PDZK1: variants seen among roughly 807,000 people sequenced by gnomAD.
PDZK1 encodes Na(+)/H(+) exchange regulatory cofactor NHE-RF3.
Under a neutral mutation model 38.1 loss-of-function variants are expected in PDZK1, and 23 were observed. The observed-to-expected ratio is 0.60, with a 90% CI of 0.43 to 0.85. PDZK1 has a LOEUF of 0.85. Ranked by LOEUF, PDZK1 falls within the 40% of genes least tolerant of loss-of-function variation. The pLI, the probability that PDZK1 is intolerant of heterozygous loss-of-function variation, is 0.00. For missense variants in PDZK1, 297 were observed against 504.3 expected (o/e 0.59, Z 3.94); for synonymous variants, 98 against 186.2 (o/e 0.53, Z 3.86).
At chr1:145,689,727 C>G (rs1655085901) in intron 1 of PDZK1, among the ~76,000 whole-genome samples, 1 of 152,272 alleles carries the variant, frequency 6.6e-6, no homozygotes, top group South Asian at 2.1e-4. Flanking sequence ...AACCACCTAT[C>G]CCTTCCCTCC....
Position 145,681,077 on chromosome 1 carries a change from G to A in PDZK1, c.628C>T (p.Leu210=). The change falls in exon 5 of 9, where the codon CTG becomes TTG. Residue 210 remains leucine (L), a synonymous_variant. Coordinates refer to ENST00000417171, the MANE Select transcript of PDZK1 (RefSeq NM_001201325.2). ...TTGTCAGTTTCTTTGTCCACCAGCA[G>A]GAACATGACACGGCTTCCTGACTTC... ...VKKSGSRVMF[L]LVDKETDKRH... The A allele has an allele frequency of 1.8e-6, 1 of 563,318 alleles. No individual in the cohort carries two copies. The highest frequency in any genetic ancestry group is 2.9e-5 in the East Asian group (1 of 34,832). The allele number at this position is 563,318 out of a possible 1,614,324, so 34.9% of individuals were successfully genotyped here. A position where few individuals can be genotyped will look rare whatever the true frequency, so the allele number is the denominator to read the frequency against.
intron 1 of PDZK1, among the ~76,000 whole-genome samples, chr1:145,688,396 T>C (rs1164374527): frequency 6.6e-6 from 1 of 152,160 alleles, no homozygotes; most frequent in Non-Finnish European, 1.5e-5. Context: ...TGAAGAGCTT[T>C]TCAAGTTCAA....
At chr1:145,705,800 G>T (rs1656212947) in intron 1 of PDZK1, among the ~76,000 whole-genome samples, 1 of 152,126 alleles carries the variant, frequency 6.6e-6, no homozygotes, top group South Asian at 2.1e-4. Flanking sequence ...ACCCAGGCTG[G>T]AGTGCAGTGA....
At chr1:145,706,979 T>C (rs1553705832) in intron 1 of PDZK1, among the ~76,000 whole-genome samples, 1 of 152,046 alleles carries the variant, frequency 6.6e-6, no homozygotes, top group Non-Finnish European at 1.5e-5. Flanking sequence ...TCCGCCTGGT[T>C]ACCTGTGAAG....
chr1:145,690,135 T>G (rs1298245965), intron 1 of PDZK1, among the ~76,000 whole-genome samples: 4 of 152,172 alleles, frequency 2.6e-5, no homozygotes. Flanking sequence ...AACACCACTC[T>G]GGGATGAAAG....
chr1:145,683,988 A>G (rs1553701025), intron 3 of PDZK1, among the ~76,000 whole-genome samples: 1 of 151,938 alleles, frequency 6.6e-6, no homozygotes, highest in Non-Finnish European at 1.5e-5. Flanking sequence ...CTGGGACTAC[A>G]GGCGCCTGCC....
intron 1 of PDZK1, among the ~76,000 whole-genome samples, chr1:145,698,315 G>A (rs991347957): frequency 3.0e-4 from 45 of 152,122 alleles, no homozygotes; most frequent in African/African-American, 1.1e-3. Context: ...TGGAAATCTA[G>A]ATTTACATAA....
At chr1:145,689,800 T>A (rs1401847667) in intron 1 of PDZK1, among the ~76,000 whole-genome samples, 1 of 152,058 alleles carries the variant, frequency 6.6e-6, no homozygotes, top group Non-Finnish European at 1.5e-5. Context: ...GGCCACAAAG[T>A]GCTCCAGGCA....
At chr1:145,693,602 G>A (rs1190347837) in intron 1 of PDZK1, among the ~76,000 whole-genome samples, 3 of 152,036 alleles carry the variant, frequency 2.0e-5, no homozygotes, top group South Asian at 2.1e-4. Context: ...GTGAAACCCC[G>A]TCTCTACTAA....
At chr1:145,671,665 C>T (rs1245420864) in intron 8 of PDZK1, 176 bp from the exon 9 acceptor site, 2 of 556,124 alleles carry the variant, frequency 3.6e-6, no homozygotes, top group African/African-American at 1.9e-5. Context: ...AAAAGTTTAT[C>T]AGTATTGTAA....
chr1:145,679,270 G>A (rs1359529144), intron 5 of PDZK1, among the ~76,000 whole-genome samples: 85 of 150,268 alleles, frequency 5.7e-4, no homozygotes, highest in East Asian at 1.2e-3. Flanking sequence ...ATGTATTCAA[G>A]CCAAAAATCA....
At position 145,673,130 on chromosome 1, in the gene PDZK1, A is replaced by G. The variant is rs1478069398; in HGVS notation, c.1216-110T>C. The G allele has an allele frequency of 2.2e-5, 19 of 849,702 alleles. No individual in the cohort carries two copies. In the Admixed American group the frequency reaches 2.7e-4, roughly 12 times the overall value. The allele number at this position is 849,702 out of a possible 1,614,324, so 52.6% of individuals were successfully genotyped here. ...TCAAGAATTTATTTTTAATCATGTT[A>G]TTATTTCTCCTTGAGGTATAGAAGT... is the stretch of plus-strand genomic sequence containing the variant. On this transcript the variant is annotated intron_variant, in intron 7 of 8. Coordinates refer to ENST00000417171, the MANE Select transcript of PDZK1 (RefSeq NM_001201325.2).
At position 145,671,195 on chromosome 1, in the gene PDZK1, A is replaced by G. The variant is rs1417101460; in HGVS notation, c.*241T>C. ...TAAGTTGAAGCTTGGAAAAGATCAC[A>G]TGAAAAAAATCTAGCTCTTGCCTTA... On this transcript the variant is annotated 3_prime_UTR_variant, in exon 9 of 9. Coordinates refer to ENST00000417171, the MANE Select transcript of PDZK1 (RefSeq NM_001201325.2). The G allele has an allele frequency of 1.6e-5, 18 of 1,096,692 alleles. No individual in the cohort carries two copies. Among genetic ancestry groups the G allele is most frequent in the Non-Finnish European group, 2.1e-5 (18 of 838,436 alleles). The allele number at this position is 1,096,692 out of a possible 1,614,324, so 67.9% of individuals were successfully genotyped here.
chr1:145,698,653 G>T (rs188258098), intron 1 of PDZK1, among the ~76,000 whole-genome samples: 2 of 152,264 alleles, frequency 1.3e-5, no homozygotes, highest in African/African-American at 2.4e-5. Flanking sequence ...GGTAGGCCAG[G>T]CGCAGTGGCT....
chr1:145,693,080 ATTC>A (rs1553703584), intron 1 of PDZK1, among the ~76,000 whole-genome samples: 2 of 152,132 alleles, frequency 1.3e-5, no homozygotes, highest in African/African-American at 2.4e-5. Flanking sequence ...GGGTAAGTAA[ATTC>A]TTCTTCTGAA....
At chr1:145,680,359 A>G (rs1571590690) in intron 5 of PDZK1, among the ~76,000 whole-genome samples, 1 of 152,194 alleles carries the variant, frequency 6.6e-6, no homozygotes. Flanking sequence ...TACGGCCCGA[A>G]CTCATGTTCT....
intron 6 of PDZK1, among the ~76,000 whole-genome samples, chr1:145,676,725 A>C (rs1458264290): frequency 7.5e-6 from 1 of 134,156 alleles, no homozygotes; most frequent in African/African-American, 2.8e-5. Flanking sequence ...ACAACGTCTC[A>C]AAAAAAAAAA....
At chr1:145,692,672 G>A (rs1260889966) in intron 1 of PDZK1, among the ~76,000 whole-genome samples, 1 of 150,118 alleles carries the variant, frequency 6.7e-6, no homozygotes, top group Non-Finnish European at 1.5e-5. Flanking sequence ...AATCGTGCCA[G>A]TGCACTCCAG....
intron 1 of PDZK1, among the ~76,000 whole-genome samples, chr1:145,705,371 G>T (rs587625886): frequency 2.8e-4 from 43 of 152,258 alleles, no homozygotes; most frequent in African/African-American, 7.9e-4. Context: ...GATTACAGAT[G>T]TGAGCCACTG....
Sources: gnomAD v4.1 joint callset for allele counts (sites outside exome capture counted in the v4.1 genomes callset) on GRCh38, gnomAD v4.1.1 for gene constraint, MANE v1.5 for transcripts, NCBI Gene and HGNC (gene_info 2026-07-23, HGNC 2026-07-21) for gene names.